PRKCZ: variants seen among roughly 807,000 people sequenced by gnomAD.
PRKCZ encodes the protein protein kinase C zeta.
A neutral mutation model predicts 79.5 loss-of-function variants in PRKCZ; 33 were observed. The observed-to-expected ratio is 0.41, with a 90% CI of 0.31 to 0.55. The LOEUF (loss-of-function observed/expected upper bound fraction) is 0.55, where lower values mean the gene tolerates loss of function less well. Among genes scored for constraint, PRKCZ ranks in the 20% least tolerant of loss-of-function variants. The probability of loss-of-function intolerance (pLI) is 0.19; values close to 1 mark genes in which losing one functional copy is unlikely to be tolerated. For synonymous variants in PRKCZ, 342 were observed against 320.9 expected (o/e 1.07, Z -0.70); for missense variants, 578 against 813.5 (o/e 0.71, Z 3.52).
At position 2,165,381 on chromosome 1, in the gene PRKCZ, AAGCCAGGAGCTGTGTG is replaced by A. The variant is rs1283399981; in HGVS notation, c.975-4132_975-4117del. Among the ~76,000 whole-genome samples the A allele has an allele frequency of 3.3e-5, 5 of 152,076 alleles. No homozygotes were observed. Among genetic ancestry groups the A allele is most frequent in the African/African-American group, 1.2e-4 (5 of 41,380 alleles). ...CGAGTCATCTGATGTTGGGTCTGAC[AAGCCAGGAGCTGTGTG>A]AGCCGGAGAACGTCCCCTAACCTGT... On this transcript the variant is annotated intron_variant, in intron 10 of 17. Transcript: ENST00000378567. The surrounding 1 kb of genome is among the most constrained non-coding windows in gnomAD (Gnocchi z 4.1).
chr1:2,156,134 G>C (rs752835253), intron 10 of PRKCZ, 42 bp downstream of exon 10: 5 of 1,535,198 alleles, frequency 3.3e-6, no homozygotes, highest in Admixed American at 3.3e-5. Context: ...GCAGATTTCA[G>C]ATGTGAACTG....
chr1:2,166,566 C>G (rs1683361482), intron 10 of PRKCZ, among the ~76,000 whole-genome samples: 1 of 152,180 alleles, frequency 6.6e-6, no homozygotes, highest in East Asian at 1.9e-4. Context: ...CGCCTCCAGG[C>G]CACAACATGG....
Position 2,102,326 on chromosome 1 carries a change from G to C in PRKCZ, c.335-32936G>C, listed in dbSNP as rs1046962255. On this transcript the variant is annotated intron_variant, in intron 4 of 17. Coordinates refer to ENST00000378567, the MANE Select transcript of PRKCZ (RefSeq NM_002744.6). ...CGTTTTTTATTGCGTTTTTTTTTTT[G>C]TTTGTTTTGTTTTGTTTTGTTTTTG... Among the ~76,000 whole-genome samples the C allele has an allele frequency of 1.7e-4, 24 of 138,640 alleles. No individual in the cohort carries two copies. The East Asian group carries it at 3.1e-3, about 18-fold the overall frequency. 91.0% of individuals were successfully genotyped at this position (138,640 alleles called of 152,430 possible).
At chr1:2,087,407 C>A (rs570559498) in intron 4 of PRKCZ, among the ~76,000 whole-genome samples, 1 of 152,194 alleles carries the variant, frequency 6.6e-6, no homozygotes, top group Admixed American at 6.5e-5. Context: ...TTTTACTTAC[C>A]TTTGGGTGGT....
chr1:2,061,238 C>T (rs974049109), intron 4 of PRKCZ, among the ~76,000 whole-genome samples: 2 of 152,214 alleles, frequency 1.3e-5, no homozygotes, highest in Non-Finnish European at 2.9e-5. Flanking sequence ...GGAAGCCCAC[C>T]GTATTTCTCC....
chr1:2,107,445 C>A (rs1008322513), intron 4 of PRKCZ, among the ~76,000 whole-genome samples: 2 of 152,242 alleles, frequency 1.3e-5, no homozygotes, highest in Non-Finnish European at 2.9e-5. Context: ...CTGACTGATG[C>A]ATGTGGGGGC....
chr1:2,185,097 G>T lies in PRKCZ; in HGVS notation c.*88G>T. The T allele has an allele frequency of 7.7e-7, 1 of 1,302,182 alleles. No individual in the cohort carries two copies. The allele number at this position is 1,302,182 out of a possible 1,614,324, so 80.7% of individuals were successfully genotyped here. ...GCATATGCATGCCAGGCTGGGCACG[G>T]CTCCGAGGGCGGCCAGGGACAGACG... On this transcript the variant is annotated 3_prime_UTR_variant, in exon 18 of 18. Coordinates refer to ENST00000378567, the MANE Select transcript of PRKCZ (RefSeq NM_002744.6).
At chr1:2,134,206 T>C (rs1419382130) in intron 4 of PRKCZ, among the ~76,000 whole-genome samples, 1 of 152,206 alleles carries the variant, frequency 6.6e-6, no homozygotes, top group African/African-American at 2.4e-5. Context: ...CCCTGACTTC[T>C]TGGTTTCGCT....
At chr1:2,079,147 G>T (rs771589952) in intron 4 of PRKCZ, among the ~76,000 whole-genome samples, 5 of 152,318 alleles carry the variant, frequency 3.3e-5, no homozygotes, top group African/African-American at 7.2e-5. Context: ...CGGCCTGAAG[G>T]TGCCTTTTTA....
chr1:2,155,280 A>G lies in PRKCZ; in HGVS notation c.877-715A>G, dbSNP rs202045511. Among the ~76,000 whole-genome samples, 166 of 121,348 alleles carry G rather than the reference A, an allele frequency of 1.4e-3. 1 individual carries two copies. Among genetic ancestry groups the G allele is most frequent in the African/African-American group, 5.3e-3 (158 of 30,026 alleles). The allele number at this position is 121,348 out of a possible 152,430, so 79.6% of individuals were successfully genotyped here. A position where few individuals can be genotyped will look rare whatever the true frequency, so the allele number is the denominator to read the frequency against. On this transcript the variant is annotated intron_variant, in intron 9 of 17. Transcript: ENST00000378567. ...GACATTGAGGATGACGGTGGTGGTGATGATGATGGTAGTGGTGATGACAAT... is the reference window on the plus strand; with the variant it reads ...GACATTGAGGATGACGGTGGTGGTGGTGATGATGGTAGTGGTGATGACAAT...
At chr1:2,063,048 A>G (rs1383955022) in intron 4 of PRKCZ, among the ~76,000 whole-genome samples, 1 of 151,840 alleles carries the variant, frequency 6.6e-6, no homozygotes, top group Non-Finnish European at 1.5e-5. Context: ...GTGACAGCTT[A>G]TTTCACTCAG....
chr1:2,139,963 C>T (rs990875235), intron 5 of PRKCZ, among the ~76,000 whole-genome samples: 3 of 152,158 alleles, frequency 2.0e-5, no homozygotes, highest in Non-Finnish European at 4.4e-5. Flanking sequence ...GCACAAGTGC[C>T]GCAGGGACAG....
At chr1:2,135,529 G>A (rs1184170668) in intron 5 of PRKCZ, among the ~76,000 whole-genome samples, 182 bp downstream of exon 5, 2 of 152,250 alleles carry the variant, frequency 1.3e-5, no homozygotes, top group East Asian at 1.9e-4. Context: ...TGTCTGAGGC[G>A]GGAAGTGCCC....
At chr1:2,092,144 C>A (rs904184851) in intron 4 of PRKCZ, among the ~76,000 whole-genome samples, 1 of 152,226 alleles carries the variant, frequency 6.6e-6, no homozygotes, top group Non-Finnish European at 1.5e-5. Flanking sequence ...GCCAGCCGCC[C>A]CCTTGGCTCC....
Position 2,173,778 on chromosome 1 carries a change from G to A in PRKCZ, c.1286-119G>A, listed in dbSNP as rs559999278. ...TGGAAGTCACAGAGGCCTGTGTGCC[G>A]CCTGCTCAAGCCTGGCTCACACTCG... On this transcript the variant is annotated intron_variant, in intron 13 of 17. Coordinates refer to ENST00000378567, the MANE Select transcript of PRKCZ (RefSeq NM_002744.6). This position sits in a 1 kb window ranked among gnomAD's most constrained non-coding sequence, Gnocchi z 5.7. 250 of 1,405,382 alleles carry A rather than the reference G, an allele frequency of 1.8e-4. No homozygotes were observed. In the African/African-American group the frequency reaches 3.1e-3, roughly 18 times the overall value. 87.1% of individuals were successfully genotyped at this position (1,405,382 alleles called of 1,614,324 possible).
At chr1:2,135,403 CAAAG>C (rs1272713764) in intron 5 of PRKCZ, 56 bp downstream of exon 5, 17 of 1,472,688 alleles carry the variant, frequency 1.2e-5, no homozygotes, top group Non-Finnish European at 1.5e-5. Flanking sequence ...CTTTTAAAAG[CAAAG>C]AGAGAGGAGG....
chr1:2,128,741 CGTCCACTGTGCGCT>C lies in PRKCZ; in HGVS notation c.335-6512_335-6499del, dbSNP rs1021144540. Among the ~76,000 whole-genome samples the C allele has an allele frequency of 1.3e-5, 2 of 152,194 alleles. No individual in the cohort carries two copies. The highest frequency in any genetic ancestry group is 4.8e-5 in the African/African-American group (2 of 41,456). ...CAAAGCCTGACCCGTGTGGCTGCAC[CGTCCACTGTGCGCT>C]GTCCACTGCAGGAGACCCCAGGCTG... On this transcript the variant is annotated intron_variant, in intron 4 of 17. Transcript: ENST00000378567. The surrounding 1 kb of genome is among the most constrained non-coding windows in gnomAD (Gnocchi z 6.5).
chr1:2,050,458 C>G lies in PRKCZ; in HGVS notation c.-173C>G, dbSNP rs1348674845. On this transcript the variant is annotated 5_prime_UTR_variant, in exon 1 of 18. Transcript: ENST00000378567. Reference sequence around the variant, plus strand: ...CCGCCGGACGGTCCCGCCCCGCGCGCCCCCCGCTCCCGCCCCGCGCGCCGC... The same window carrying G: ...CCGCCGGACGGTCCCGCCCCGCGCGGCCCCCGCTCCCGCCCCGCGCGCCGC... 1 of 230,118 alleles carries G rather than the reference C, an allele frequency of 4.3e-6. No homozygotes were observed. Among genetic ancestry groups the G allele is most frequent in the African/African-American group, 2.3e-5 (1 of 42,668 alleles). The allele number at this position is 230,118 out of a possible 1,614,324, so 14.3% of individuals were successfully genotyped here. A position where few individuals can be genotyped will look rare whatever the true frequency, so the allele number is the denominator to read the frequency against.
intron 3 of PRKCZ, 140 bp downstream of exon 3, chr1:2,056,713 G>A: frequency 4.2e-6 from 3 of 720,218 alleles, no homozygotes; most frequent in Non-Finnish European, 6.3e-6. Context: ...AATGCCATTT[G>A]GGTTTTTTTC....
Sources: allele counts gnomAD v4.1 joint callset (sites outside exome capture counted in the v4.1 genomes callset), GRCh38; gene constraint gnomAD v4.1.1; non-coding constraint Gnocchi (gnomAD v3.1); transcripts MANE v1.5; gene names NCBI Gene and HGNC (gene_info 2026-07-23, HGNC 2026-07-21).